Variants in ASB17 observed in about 807,000 individuals in gnomAD.
ASB17 encodes the protein ankyrin repeat and SOCS box containing 17.
Under a neutral mutation model 25.7 loss-of-function variants are expected in ASB17, and 26 were observed. The observed-to-expected ratio is 1.01, with a 90% CI of 0.74 to 1.40. ASB17 has a LOEUF of 1.40. ASB17 is among the 40% of genes most tolerant of loss of function. The pLI, the probability that ASB17 is intolerant of heterozygous loss-of-function variation, is 0.00. For synonymous variants in ASB17, 128 were observed against 121.4 expected (o/e 1.05, Z -0.36); for missense variants, 326 against 338.5 (o/e 0.96, Z 0.29).
chr1:75,920,392 C>A (rs552411540), intron 2 of ASB17, among the ~76,000 whole-genome samples: 1 of 152,250 alleles, frequency 6.6e-6, no homozygotes, highest in African/African-American at 2.4e-5. Context: ...ATAATGCATT[C>A]ATTATTCAAT....
intron 1 of ASB17, among the ~76,000 whole-genome samples, chr1:75,924,539 C>T (rs1480575941): frequency 2.0e-5 from 3 of 151,914 alleles, no homozygotes; most frequent in African/African-American, 7.2e-5. Context: ...TATATACACA[C>T]ACATACACAT....
chr1:75,921,188 C>G (rs1488779251), intron 2 of ASB17, among the ~76,000 whole-genome samples: 1 of 140,800 alleles, frequency 7.1e-6, no homozygotes, highest in Non-Finnish European at 1.5e-5. Context: ...CAAGGACAAG[C>G]AAGTTTCTGA....
intron 1 of ASB17, among the ~76,000 whole-genome samples, chr1:75,929,024 C>T (rs896432897): frequency 2.0e-5 from 3 of 151,796 alleles, no homozygotes; most frequent in African/African-American, 7.3e-5. Flanking sequence ...GGAGGAAGGT[C>T]CAATTGAATA....
At chr1:75,922,919 A>G (rs1378919050) in intron 1 of ASB17, among the ~76,000 whole-genome samples, 3 of 152,354 alleles carry the variant, frequency 2.0e-5, no homozygotes, top group Admixed American at 6.5e-5. Context: ...ACAATTTATA[A>G]TATATGTAAA....
intron 1 of ASB17, among the ~76,000 whole-genome samples, chr1:75,926,222 G>A (rs889800063): frequency 6.6e-5 from 10 of 152,278 alleles, no homozygotes; most frequent in African/African-American, 2.2e-4. Flanking sequence ...CAACAATGTA[G>A]GATGAACACA....
At chr1:75,922,438 G>T in intron 1 of ASB17, 79 bp from the exon 2 acceptor site, 1 of 912,572 alleles carries the variant, frequency 1.1e-6, no homozygotes, top group East Asian at 3.3e-5. Flanking sequence ...CTAGTAATGG[G>T]AAAATAATAG....
intron 1 of ASB17, among the ~76,000 whole-genome samples, chr1:75,929,455 G>A (rs1006672742): frequency 1.6e-4 from 24 of 151,620 alleles, no homozygotes; most frequent in African/African-American, 4.4e-4. Context: ...TCCTGACCTC[G>A]TGATCCGCCC....
At chr1:75,926,572 C>T (rs1653177496) in intron 1 of ASB17, among the ~76,000 whole-genome samples, 2 of 152,136 alleles carry the variant, frequency 1.3e-5, no homozygotes, top group Non-Finnish European at 2.9e-5. Context: ...AGAACTTCAC[C>T]TTTTACTCTA....
At chr1:75,919,745 C>T (rs1466583631) in intron 2 of ASB17, among the ~76,000 whole-genome samples, 1 of 152,132 alleles carries the variant, frequency 6.6e-6, no homozygotes, top group African/African-American at 2.4e-5. Flanking sequence ...CATAGTATTC[C>T]ATGGTGTATA....
chr1:75,932,278 G>A lies in ASB17; in HGVS notation c.14C>T (p.Thr5Ile), dbSNP rs781666552. Reference protein sequence around the residue: MSKSTKLCGKTSCPR... With the variant: MSKSIKLCGKTSCPR... Reference sequence around the variant, plus strand: ...ACAAGAAGTCTTACCACATAATTTAGTAGATTTACTCATTGTTACTTATAG... The same window carrying A: ...ACAAGAAGTCTTACCACATAATTTAATAGATTTACTCATTGTTACTTATAG... Residue 5 changes from threonine (T) to isoleucine (I), a missense_variant, in exon 1 of 3, where the codon ACT (threonine) becomes ATT (isoleucine). Physicochemically the swap from Thr to Ile is moderately conservative, Grantham distance 89. Coordinates refer to ENST00000284142, the MANE Select transcript of ASB17 (RefSeq NM_080868.3). 1.9e-6 allele frequency: 3 copies of A among 1,608,248 alleles called. No individual in the cohort carries two copies. The highest frequency in any genetic ancestry group is 2.5e-6 in the Non-Finnish European group (3 of 1,177,090).
At chr1:75,924,848 A>T (rs1032818052) in intron 1 of ASB17, among the ~76,000 whole-genome samples, 1 of 151,418 alleles carries the variant, frequency 6.6e-6, no homozygotes, top group Non-Finnish European at 1.5e-5. Flanking sequence ...ACTCATCTTT[A>T]TGAGACCTTA....
At chr1:75,921,951 G>T in intron 2 of ASB17, 129 bp downstream of exon 2, 1 of 738,824 alleles carries the variant, frequency 1.4e-6, no homozygotes, top group Non-Finnish European at 2.1e-6. Flanking sequence ...TTTATTAATA[G>T]GCATATACTC....
At chr1:75,921,337 T>G (rs1653022372) in intron 2 of ASB17, among the ~76,000 whole-genome samples, 1 of 152,246 alleles carries the variant, frequency 6.6e-6, no homozygotes, top group African/African-American at 2.4e-5. Context: ...ATATCTCTTA[T>G]GAGTTTATTT....
In ASB17 at chr1:75,919,084, A is replaced by G. The variant is rs767252120; in HGVS notation, c.756T>C (p.Asp252=). ...FDYIPSTRYK[D]PCELLHLCRL... ...TGCAAAGATGTAATAGTTCACATGG[A>G]TCTTTGTATCTTGTTGAAGGAATGT... The change falls in exon 3 of 3, where the codon GAT becomes GAC. Residue 252 remains aspartate (D), a synonymous_variant. Coordinates refer to ENST00000284142, the MANE Select transcript of ASB17 (RefSeq NM_080868.3). 2.2e-5 allele frequency: 36 copies of G among 1,612,680 alleles called. No individual in the cohort carries two copies. Among genetic ancestry groups the G allele is most frequent in the Non-Finnish European group, 3.0e-5 (35 of 1,179,070 alleles).
intron 1 of ASB17, 23 bp downstream of exon 1, chr1:75,931,868 G>A: frequency 6.5e-7 from 1 of 1,540,846 alleles, no homozygotes; most frequent in Non-Finnish European, 8.7e-7. Flanking sequence ...TTGTTCTATA[G>A]TGAAAACATA....
In ASB17 at chr1:75,918,956, A is replaced by G. The variant is rs1652953847; in HGVS notation, c.884T>C (p.Ile295Thr). The G allele has an allele frequency of 6.2e-7, 1 of 1,607,018 alleles. No homozygotes were observed. Among genetic ancestry groups the G allele is most frequent in the South Asian group, 1.1e-5 (1 of 90,926 alleles). Residue 295 changes from isoleucine (I) to threonine (T), a missense_variant, in exon 3 of 3, where the codon ATC becomes ACC. Transcript: ENST00000284142. ...AACTTAGGACACTGACGTATGTTAG[A>G]TTTCTAAATTCAGATAGTTTTGTAG... ...ARLQNYLNLE[I>T]
At position 75,932,031 on chromosome 1, in the gene ASB17, G is replaced by A. The variant is rs11811988; in HGVS notation, c.261C>T (p.Leu87=). 8 of 1,613,938 alleles carry A rather than the reference G, an allele frequency of 5.0e-6. No individual in the cohort carries two copies. The highest frequency in any genetic ancestry group is 4.0e-5 in the African/African-American group (3 of 74,904). ...TATTCACACATATTTCAGTGAAGTCGAGGTTAAAACTTACTTCAAAACGGT... is the reference window on the plus strand; with the variant it reads ...TATTCACACATATTTCAGTGAAGTCAAGGTTAAAACTTACTTCAAAACGGT... ...SGYRFEVSFN[L]DFTEICVNTI... The change falls in exon 1 of 3, where the codon CTC becomes CTT. Residue 87 remains leucine (L), a synonymous_variant. Coordinates refer to ENST00000284142, the MANE Select transcript of ASB17 (RefSeq NM_080868.3).
chr1:75,924,327 A>G (rs1312968146), intron 1 of ASB17, among the ~76,000 whole-genome samples: 1 of 152,118 alleles, frequency 6.6e-6, no homozygotes. Flanking sequence ...CCCCTGCTGG[A>G]TCTTTGTTCA....
rs1343661454 is a variant in ASB17, at chr1:75,932,166, A to G, written c.126T>C (p.Cys42=). The part of the protein sequence containing the change: ...LQFLGQWGYH[C]YEPRIYRSLA... ...GTGATCTGTAAATCCTTGGTTCGTA[A>G]CAGTGATATCCCCACTGACCCAAAA... Residue 42 remains cysteine, a synonymous_variant, in exon 1 of 3, where the codon TGT becomes TGC. Transcript: ENST00000284142. The G allele has an allele frequency of 1.9e-6, 3 of 1,614,146 alleles. No individual in the cohort carries two copies. The highest frequency in any genetic ancestry group is 2.5e-6 in the Non-Finnish European group (3 of 1,180,016).
Sources: gnomAD v4.1 joint callset for allele counts (sites outside exome capture counted in the v4.1 genomes callset) on GRCh38, gnomAD v4.1.1 for gene constraint, MANE v1.5 for transcripts, NCBI Gene and HGNC (gene_info 2026-07-23, HGNC 2026-07-21) for gene names.